Variants in PKD1L1 observed in about 807,000 individuals in gnomAD.
The protein encoded by PKD1L1 is polycystin 1 like 1, transient receptor potential channel interacting.
In PKD1L1, 236 loss-of-function variants were observed where a neutral mutation model predicts 323.4. That is an observed-to-expected ratio of 0.73 (90% CI 0.66 to 0.81). The LOEUF (loss-of-function observed/expected upper bound fraction) is 0.81, where lower values mean the gene tolerates loss of function less well. Among genes scored for constraint, PKD1L1 ranks in the 40% least tolerant of loss-of-function variants. The pLI is 0.00. For missense variants in PKD1L1, 3,320 were observed against 3,508.0 expected (o/e 0.95, Z 1.35); for synonymous variants, 1,344 against 1,335.0 (o/e 1.01, Z -0.15).
At chr7:47,952,506 C>A (rs2128761379), upstream of PKD1L1, among the ~76,000 whole-genome samples, 1 of 152,322 alleles carries the variant, frequency 6.6e-6, no homozygotes, top group Non-Finnish European at 1.5e-5. Context: ...GACAAGCAGC[C>A]AATCATAAGC....
intron 47 of PKD1L1, among the ~76,000 whole-genome samples, 188 bp downstream of exon 47, chr7:47,815,146 G>A (rs1388741644): frequency 6.6e-6 from 1 of 152,194 alleles, no homozygotes; most frequent in Non-Finnish European, 1.5e-5. Flanking sequence ...ATGGGATGGG[G>A]CCAATGGGTT....
Position 47,882,061 on chromosome 7 carries a change from G to A in PKD1L1, c.3290C>T (p.Ser1097Leu). 1.9e-6 allele frequency: 3 copies of A among 1,613,424 alleles called. No homozygotes were observed. Among genetic ancestry groups the A allele is most frequent in the South Asian group, 1.1e-5 (1 of 90,980 alleles). ...CTCCTCGGCACTCAAGCTAGGTCCT[G>A]ATCCTGGAAAGCTGGTGTCCTTAGC... Reference protein sequence around the residue: ...QPAKDTSFPGSGPSLSAEESP... With the variant: ...QPAKDTSFPGLGPSLSAEESP... The change falls in exon 20 of 57, where the codon TCA becomes TTA. Residue 1097 changes from serine to leucine, a missense_variant. Coordinates refer to ENST00000289672, the MANE Select transcript of PKD1L1 (RefSeq NM_138295.5).
rs1413443771 is a variant in PKD1L1 at position 47,908,073 on chromosome 7, T to A, written c.1402+4A>T. On this transcript the variant is annotated splice_donor_region_variant and intron_variant, in intron 9 of 56. Transcript: ENST00000289672. ...CTTGCTCAGACTCCAGACATACGTC[T>A]TACTTTTCTGATTCACTTGGGAGTC... 1 of 1,613,144 alleles carries A rather than the reference T, an allele frequency of 6.2e-7. No individual in the cohort carries two copies. The highest frequency in any genetic ancestry group is 1.1e-5 in the South Asian group (1 of 90,888).
At chr7:47,836,585 T>A (rs868759395) in intron 37 of PKD1L1, among the ~76,000 whole-genome samples, 1 of 152,188 alleles carries the variant, frequency 6.6e-6, no homozygotes, top group Non-Finnish European at 1.5e-5. Flanking sequence ...TTATTTAAAA[T>A]CTAAATGAAT....
chr7:47,865,312 A>T lies in PKD1L1; in HGVS notation c.4093-40T>A, dbSNP rs750181844. The T allele has an allele frequency of 1.9e-5, 30 of 1,552,186 alleles. 2 individuals are homozygous for T. In the South Asian group the frequency reaches 3.2e-4, roughly 17 times the overall value. On this transcript the variant is annotated intron_variant, in intron 25 of 56. Coordinates refer to ENST00000289672, the MANE Select transcript of PKD1L1 (RefSeq NM_138295.5). ...CAACAATAAAACAAAAAGAAAATGC[A>T]AGGAGAGGGAAATTAGCTTGTTTGG...
chr7:47,891,990 A>C (rs1786829819), intron 15 of PKD1L1, among the ~76,000 whole-genome samples: 1 of 152,230 alleles, frequency 6.6e-6, no homozygotes, highest in African/African-American at 2.4e-5. Context: ...ATGTGTGATC[A>C]CAGGGGTTGG....
intron 53 of PKD1L1, among the ~76,000 whole-genome samples, chr7:47,802,361 G>T (rs914984916): frequency 6.6e-6 from 1 of 152,280 alleles, no homozygotes; most frequent in Non-Finnish European, 1.5e-5. Flanking sequence ...CAAATGGCTG[G>T]TGCTCGCAAC....
chr7:47,822,751 T>C (rs1785172763), intron 45 of PKD1L1, among the ~76,000 whole-genome samples: 1 of 152,196 alleles, frequency 6.6e-6, no homozygotes, highest in Admixed American at 6.5e-5. Context: ...CTTTCATCAG[T>C]GTTTTGTGGT....
chr7:47,911,037 C>T (rs143006393), intron 8 of PKD1L1, among the ~76,000 whole-genome samples: 10 of 152,112 alleles, frequency 6.6e-5, no homozygotes, highest in East Asian at 3.9e-4. Context: ...TGATATAGTT[C>T]GGATGTTTAC....
chr7:47,861,961 G>A (rs561000980), intron 26 of PKD1L1, among the ~76,000 whole-genome samples: 76 of 150,350 alleles, frequency 5.1e-4, no homozygotes, highest in Middle Eastern at 3.5e-3. Flanking sequence ...TTGGGAGGCT[G>A]AGGCAGGTGG....
chr7:47,818,161 A>G, intron 46 of PKD1L1: 1 of 1,367,700 alleles, frequency 7.3e-7, no homozygotes, highest in Non-Finnish European at 9.8e-7. Flanking sequence ...TCAGGAAAGG[A>G]GAACACAGAT....
chr7:47,915,738 A>G (rs1787415024), intron 7 of PKD1L1, 139 bp from the exon 8 acceptor site: 2 of 551,996 alleles, frequency 3.6e-6, no homozygotes, highest in Non-Finnish European at 6.2e-6. Flanking sequence ...GGAAGGAAAA[A>G]GAAATACAAC....
At chr7:47,901,331 AAAAAAAAAAAAAAAAAAGAAAAG>A (rs1414924182) in intron 13 of PKD1L1, among the ~76,000 whole-genome samples, 1 of 150,486 alleles carries the variant, frequency 6.6e-6, no homozygotes, top group Non-Finnish European at 1.5e-5. Flanking sequence ...GAGTCTCAAA[AAAAAAAAAAAAAAAAAAGAAAAG>A]AAAAAATGAA....
intron 23 of PKD1L1, among the ~76,000 whole-genome samples, chr7:47,875,323 G>A (rs1252777201): frequency 6.6e-6 from 1 of 152,132 alleles, no homozygotes; most frequent in African/African-American, 2.4e-5. Context: ...TTAAAGGAGA[G>A]GTGAAACTTA....
At chr7:47,939,849 C>G (rs549915488) in intron 3 of PKD1L1, among the ~76,000 whole-genome samples, 4 of 151,822 alleles carry the variant, frequency 2.6e-5, no homozygotes, top group African/African-American at 9.7e-5. Context: ...CCACTCCCCA[C>G]CTGAGGGCTA....
At chr7:47,949,620 T>TTAGTAA (rs1179266610), upstream of PKD1L1, among the ~76,000 whole-genome samples, 1 of 152,150 alleles carries the variant, frequency 6.6e-6, no homozygotes, top group Non-Finnish European at 1.5e-5. Flanking sequence ...AAAGCACTTG[T>TTAGTAA]TAGTTGTCTT....
At position 47,839,005 on chromosome 7, in the gene PKD1L1, T is replaced by C. The variant is rs948180523; in HGVS notation, c.5769+441A>G. ...CAAAAATCACGACTTCCATGGTTAG[T>C]TTGTGAGGTTATCTGTTATTCTGTC... On this transcript the variant is annotated intron_variant, in intron 36 of 56. Transcript: ENST00000289672. This position sits in a 1 kb window ranked among gnomAD's most constrained non-coding sequence, Gnocchi z 4.3. Among the ~76,000 whole-genome samples, 2 of 152,070 alleles carry C rather than the reference T, an allele frequency of 1.3e-5. No homozygotes were observed. The highest frequency in any genetic ancestry group is 6.5e-5 in the Admixed American group (1 of 15,274).
chr7:47,779,679 T>G (rs548265496), intron 56 of PKD1L1, among the ~76,000 whole-genome samples: 7 of 152,258 alleles, frequency 4.6e-5, no homozygotes, highest in African/African-American at 1.7e-4. Context: ...CCACCCCTAT[T>G]TGGGTTTTGG....
At chr7:47,910,273 C>A (rs151038315) in intron 8 of PKD1L1, among the ~76,000 whole-genome samples, 589 of 151,848 alleles carry the variant, frequency 3.9e-3, no homozygotes, top group African/African-American at 0.014. Context: ...ATACACTCCA[C>A]GGACTCAGAG....
Sources: gnomAD v4.1 joint callset for allele counts (sites outside exome capture counted in the v4.1 genomes callset) on GRCh38, gnomAD v4.1.1 for gene constraint, Gnocchi (gnomAD v3.1) non-coding constraint, MANE v1.5 for transcripts, NCBI Gene and HGNC (gene_info 2026-07-23, HGNC 2026-07-21) for gene names.